Variants in SAE1 observed in about 807,000 individuals in gnomAD.
The protein encoded by SAE1 is SUMO1 activating enzyme subunit 1, also known as SUMO-activating enzyme subunit 1.
SAE1 carries 11 observed loss-of-function variants against 40.6 expected under a neutral mutation model. That is an observed-to-expected ratio of 0.27 (90% confidence interval 0.17 to 0.45). SAE1 has a LOEUF of 0.45. SAE1 is among the 20% of genes least tolerant of loss of function. SAE1 has a pLI of 1.00. For synonymous variants in SAE1, 155 were observed against 154.3 expected (o/e 1.00, Z -0.03); for missense variants, 373 against 427.3 (o/e 0.87, Z 1.12).
Position 47,152,918 on chromosome 19 carries a change from C to T in SAE1, c.405C>T (p.Ser135=), listed in dbSNP as rs1600162123. ...TGCAGGTGTGTCTGACTTGCTGCTC[C>T]AGGGATGTCATAGTTAAAGTTGACC... ...QFDAVCLTCC[S]RDVIVKVDQI... Residue 135 remains serine (S), a synonymous_variant, in exon 4 of 9, where the codon TCC becomes TCT. Coordinates refer to ENST00000270225, the MANE Select transcript of SAE1 (RefSeq NM_005500.3). 1 of 1,611,894 alleles carries T rather than the reference C, an allele frequency of 6.2e-7. No homozygotes were observed.
chr19:47,171,300 A>AT (rs548759845), intron 6 of SAE1, among the ~76,000 whole-genome samples: 11 of 131,730 alleles, frequency 8.4e-5, no homozygotes, highest in African/African-American at 8.5e-5. Context: ...TTTTATTTTA[A>AT]TTTTTTTTTT....
chr19:47,154,886 C>T (rs989361330), intron 4 of SAE1, among the ~76,000 whole-genome samples: 11 of 152,160 alleles, frequency 7.2e-5, no homozygotes, highest in Admixed American at 6.5e-4. Context: ...CAGCAGTGTG[C>T]TGAGCAACTT....
chr19:47,174,129 C>G (rs2081337887), intron 6 of SAE1, among the ~76,000 whole-genome samples: 1 of 151,972 alleles, frequency 6.6e-6, no homozygotes, highest in African/African-American at 2.4e-5. Context: ...TGGCAACAGT[C>G]TCATGAGTGC....
chr19:47,195,348 C>T (rs1320437535), intron 6 of SAE1, among the ~76,000 whole-genome samples: 1 of 152,200 alleles, frequency 6.6e-6, no homozygotes, highest in Non-Finnish European at 1.5e-5. Context: ...AGCCACTGCA[C>T]CCAGCCTAAT....
At position 47,201,360 on chromosome 19, in the gene SAE1, C is replaced by CTTTTTTTTT. The variant is rs57568797; in HGVS notation, c.879-2290_879-2282dup. Among the ~76,000 whole-genome samples the CTTTTTTTTT allele has an allele frequency of 7.3e-3, 485 of 66,190 alleles. 92 individuals carry two copies. The highest frequency in any genetic ancestry group is 0.028 in the African/African-American group (428 of 15,024). 43.4% of individuals were successfully genotyped at this position (66,190 alleles called of 152,430 possible). ...CTGCACCTGGCCTGTTATCTGGTTC[C>CTTTTTTTTT]TTTTTTTTTTTTTTTTTTTTTTTTT... On this transcript the variant is annotated intron_variant, in intron 7 of 8. Coordinates refer to ENST00000270225, the MANE Select transcript of SAE1 (RefSeq NM_005500.3).
chr19:47,146,396 T>G (rs2058255698), intron 2 of SAE1, among the ~76,000 whole-genome samples: 1 of 151,990 alleles, frequency 6.6e-6, no homozygotes, highest in African/African-American at 2.4e-5. Flanking sequence ...TAGAAGGCAG[T>G]TTTTAGTAGT....
chr19:47,169,987 T>G (rs2058420845), intron 6 of SAE1, 64 bp downstream of exon 6: 8 of 1,220,806 alleles, frequency 6.6e-6, no homozygotes, highest in Non-Finnish European at 9.7e-6. Flanking sequence ...CAAATGTGGT[T>G]GCAAGGTCCA....
chr19:47,181,819 T>C (rs2058509035), intron 6 of SAE1, among the ~76,000 whole-genome samples: 1 of 149,774 alleles, frequency 6.7e-6, no homozygotes, highest in African/African-American at 2.5e-5. Flanking sequence ...CAGAATTTTT[T>C]TTTTTTTTAA....
intron 4 of SAE1, among the ~76,000 whole-genome samples, chr19:47,154,510 T>TTC (rs1568591027): frequency 1.6e-5 from 2 of 122,568 alleles, no homozygotes; most frequent in Non-Finnish European, 3.4e-5. Context: ...TTTTTTTTTT[T>TTC]CTGAGACAGA....
rs180956905 is a variant in SAE1 at position 47,143,600 on chromosome 19, G to A, written c.205G>A (p.Glu69Lys). The change falls in exon 2 of 9, where the codon GAA becomes AAA. Residue 69 changes from glutamate to lysine, a missense_variant. Coordinates refer to ENST00000270225, the MANE Select transcript of SAE1 (RefSeq NM_005500.3). ...GAAAGGACTGACCATGCTGGATCAC[G>A]AACAGGTGCGCTGTTGTGAGCTCAT... ...GVKGLTMLDH[E>K]QVTPEDPGAQ... 5.0e-6 allele frequency: 8 copies of A among 1,609,278 alleles called. No homozygotes were observed. The Admixed American group carries it at 8.3e-5, about 17-fold the overall frequency.
At chr19:47,176,769 G>A (rs561825160) in intron 6 of SAE1, among the ~76,000 whole-genome samples, 15 of 152,298 alleles carry the variant, frequency 9.8e-5, no homozygotes, top group Admixed American at 2.0e-4. Context: ...CAGACTGTAC[G>A]CTTCCTGCTG....
chr19:47,133,853 G>T (rs1287965616), intron 1 of SAE1, among the ~76,000 whole-genome samples: 2 of 148,938 alleles, frequency 1.3e-5, no homozygotes, highest in Non-Finnish European at 3.0e-5. Context: ...TTTCAGATTT[G>T]TTTTTTTTGT....
In SAE1 at chr19:47,159,735, C is replaced by A. The variant is rs142978913; in HGVS notation, c.627+4522C>A. ...CTGAGATGGAGTCTTGCTGTGTCAC[C>A]CAGGCTGGAGTGCAGTGGCACAATC... On this transcript the variant is annotated intron_variant, in intron 5 of 8. Coordinates refer to ENST00000270225, the MANE Select transcript of SAE1 (RefSeq NM_005500.3). Among the ~76,000 whole-genome samples the A allele has an allele frequency of 5.0e-3, 760 of 152,072 alleles. 9 individuals are homozygous for A. The highest frequency in any genetic ancestry group is 0.018 in the African/African-American group (738 of 41,446).
In SAE1 at chr19:47,197,354, C is replaced by G; in HGVS notation, c.855C>G (p.Asp285Glu). ...TTGACTCACTGGGTATTAGTCCTGA[C>G]CTGCTTCCTGAGGACTTTGTCAGGT... ...DVLDSLGISPDLLPEDFVRYC... is the reference protein window; with the variant it reads ...DVLDSLGISPELLPEDFVRYC... The change falls in exon 7 of 9, where the codon GAC becomes GAG. Residue 285 changes from aspartate to glutamate, a missense_variant. Asp to Glu is a conservative substitution (Grantham distance 45). Around this residue, in one of 3 missense-constraint regions of SAE1, gnomAD observed 351 missense variants for 390.6 expected, o/e 0.90. Coordinates refer to ENST00000270225, the MANE Select transcript of SAE1 (RefSeq NM_005500.3). 3 of 1,613,282 alleles carry G rather than the reference C, an allele frequency of 1.9e-6. No homozygotes were observed. Among genetic ancestry groups the G allele is most frequent in the Non-Finnish European group, 2.5e-6 (3 of 1,179,704 alleles).
chr19:47,178,761 C>T (rs975865214), intron 6 of SAE1, among the ~76,000 whole-genome samples: 3 of 152,214 alleles, frequency 2.0e-5, no homozygotes, highest in African/African-American at 4.8e-5. Context: ...CATGAGCCAT[C>T]GTGCATAGCC....
At chr19:47,159,854 C>T (rs990090408) in intron 5 of SAE1, among the ~76,000 whole-genome samples, 3 of 152,030 alleles carry the variant, frequency 2.0e-5, no homozygotes, top group Non-Finnish European at 4.4e-5. Flanking sequence ...CCACCACACT[C>T]GACTGGTTTT....
intron 6 of SAE1, among the ~76,000 whole-genome samples, chr19:47,186,633 A>G (rs1403874076): frequency 4.6e-5 from 7 of 152,146 alleles, no homozygotes; most frequent in Non-Finnish European, 7.3e-5. Flanking sequence ...GAGAAAGTGC[A>G]TGCTCCTTTT....
chr19:47,176,771 T>C (rs2058471126), intron 6 of SAE1, among the ~76,000 whole-genome samples: 1 of 152,230 alleles, frequency 6.6e-6, no homozygotes, highest in Non-Finnish European at 1.5e-5. Flanking sequence ...GACTGTACGC[T>C]TCCTGCTGCA....
chr19:47,147,140 A>C (rs1458934576), intron 2 of SAE1, among the ~76,000 whole-genome samples: 2 of 151,874 alleles, frequency 1.3e-5, no homozygotes, highest in Non-Finnish European at 2.9e-5. Context: ...AGGAGAGCAA[A>C]GCAAGGAAGG....
Sources: allele counts gnomAD v4.1 joint callset (sites outside exome capture counted in the v4.1 genomes callset), GRCh38; gene constraint gnomAD v4.1.1; regional missense constraint gnomAD v4.1.1; transcripts MANE v1.5; gene names NCBI Gene and HGNC (gene_info 2026-07-23, HGNC 2026-07-21).